The following CEP120 variants were observed in gnomAD, a reference collection of about 807,000 sequenced individuals.
CEP120 encodes the protein centrosomal protein of 120 kDa.
In CEP120, 113 loss-of-function variants were observed where a neutral mutation model predicts 126.5. The observed-to-expected ratio is 0.89, with a 90% CI of 0.77 to 1.04. CEP120 has a LOEUF of 1.04. Among genes scored for constraint, CEP120 ranks in the 50% least tolerant of loss-of-function variants. The probability of loss-of-function intolerance (pLI) is 0.00; values close to 1 mark genes in which losing one functional copy is unlikely to be tolerated. For synonymous variants in CEP120, 400 were observed against 394.3 expected (o/e 1.01, Z -0.17); for missense variants, 1,230 against 1,155.7 (o/e 1.06, Z -0.93).
rs759424675 is a variant in CEP120, at chr5:123,346,473, A to G, written c.*46T>C. ...TCACTTTTGAGGTTTTTACAAAGAA[A>G]TTAAAATTTAGACTTAGAGTCTCTA... On this transcript the variant is annotated 3_prime_UTR_variant, in exon 20 of 20. Transcript: ENST00000306467. The G allele has an allele frequency of 1.1e-5, 15 of 1,396,608 alleles. No individual in the cohort carries two copies. Among genetic ancestry groups the G allele is most frequent in the Middle Eastern group, 1.8e-4 (1 of 5,494 alleles). The allele number at this position is 1,396,608 out of a possible 1,614,324, so 86.5% of individuals were successfully genotyped here.
chr5:123,412,643 A>G, intron 3 of CEP120, 103 bp from the exon 4 acceptor site: 3 of 761,788 alleles, frequency 3.9e-6, no homozygotes, highest in Non-Finnish European at 5.5e-6. Context: ...GCTTTTCAGT[A>G]CTTTATAAAC....
intron 5 of CEP120, among the ~76,000 whole-genome samples, chr5:123,396,312 T>C (rs1271732873): frequency 1.3e-5 from 2 of 152,190 alleles, no homozygotes; most frequent in Non-Finnish European, 2.9e-5. Flanking sequence ...TTTGGGTGTA[T>C]ACCTAGGAGT....
chr5:123,405,037 C>T (rs1422832993), intron 4 of CEP120, among the ~76,000 whole-genome samples: 1 of 152,196 alleles, frequency 6.6e-6, no homozygotes. Context: ...TAGAAATCTT[C>T]AGTTAGCCCT....
At chr5:123,417,303 T>G (rs541822713) in intron 2 of CEP120, among the ~76,000 whole-genome samples, 2 of 152,336 alleles carry the variant, frequency 1.3e-5, no homozygotes, top group African/African-American at 4.8e-5. Context: ...TTCCTTTTTT[T>G]TAACTTTCCA....
chr5:123,347,297 C>T (rs1376700849), intron 19 of CEP120, among the ~76,000 whole-genome samples: 1 of 151,978 alleles, frequency 6.6e-6, no homozygotes, highest in Non-Finnish European at 1.5e-5. Context: ...CTTTAGGTTG[C>T]TCCTAAACCT....
intron 4 of CEP120, among the ~76,000 whole-genome samples, chr5:123,409,317 C>T (rs4836007): frequency 0.17 from 25,229 of 152,180 alleles, 2,503 homozygotes; most frequent in Middle Eastern, 0.22. Flanking sequence ...CTACAGCTAA[C>T]ATTATACTTA....
chr5:123,399,139 T>C lies in CEP120; in HGVS notation c.609A>G (p.Glu203=). ...CCAATCTCATGAAAAGTCTCACCTG[T>C]TCCAACTGGGTAGCAAATGCTATGG... ...SVTIAFATQL[E]QLIPCTMKLP... Residue 203 remains glutamate, a synonymous_variant, in exon 5 of 20, where the codon GAA becomes GAG. Transcript: ENST00000306467. 6.2e-7 allele frequency: 1 copy of C among 1,605,452 alleles called. No homozygotes were observed. Among genetic ancestry groups the C allele is most frequent in the Non-Finnish European group, 8.5e-7 (1 of 1,174,602 alleles).
intron 16 of CEP120, among the ~76,000 whole-genome samples, chr5:123,376,733 G>A (rs1048650419): frequency 6.6e-6 from 1 of 152,066 alleles, no homozygotes; most frequent in East Asian, 1.9e-4. Flanking sequence ...GGTCTAGAGG[G>A]CAAAGGTAAG....
intron 11 of CEP120, among the ~76,000 whole-genome samples, chr5:123,383,501 A>G (rs746423392): frequency 6.6e-6 from 1 of 152,100 alleles, no homozygotes; most frequent in Admixed American, 6.6e-5. Flanking sequence ...TTCTCACATC[A>G]TAACATTAAT....
chr5:123,385,784 T>G (rs1488970972), intron 10 of CEP120, among the ~76,000 whole-genome samples: 3 of 151,922 alleles, frequency 2.0e-5, no homozygotes, highest in Non-Finnish European at 4.4e-5. Flanking sequence ...TTGTATTTTT[T>G]GTAGAGACAG....
chr5:123,419,414 G>A (rs563647932), intron 1 of CEP120, among the ~76,000 whole-genome samples: 1 of 152,132 alleles, frequency 6.6e-6, no homozygotes, highest in South Asian at 2.1e-4. Context: ...GGGTGTGGTG[G>A]CATGCGCCTG....
chr5:123,389,445 G>A (rs1772242853), intron 8 of CEP120, among the ~76,000 whole-genome samples: 1 of 152,142 alleles, frequency 6.6e-6, no homozygotes, highest in Admixed American at 6.5e-5. Context: ...ATATTTTGAA[G>A]TTAGATAGAT....
chr5:123,422,634 G>T lies in CEP120; in HGVS notation c.49+316C>A. ...TATTGGGAACCGCTGATCAGAACGC[G>T]CTTCTCAGGACCACGTTCAGCTCAT... On this transcript the variant is annotated intron_variant, in intron 1 of 19. Transcript: ENST00000306467. 6 of 1,203,006 alleles carry T rather than the reference G, an allele frequency of 5.0e-6. No individual in the cohort carries two copies. In the South Asian group the frequency reaches 7.8e-5, roughly 16 times the overall value. 74.5% of individuals were successfully genotyped at this position (1,203,006 alleles called of 1,614,324 possible). A position where few individuals can be genotyped will look rare whatever the true frequency, so the allele number is the denominator to read the frequency against.
chr5:123,386,294 G>A (rs949059875), intron 10 of CEP120, among the ~76,000 whole-genome samples: 4 of 151,890 alleles, frequency 2.6e-5, no homozygotes, highest in Non-Finnish European at 4.4e-5. Flanking sequence ...CTAAATTCAG[G>A]TAAATAAGAT....
chr5:123,362,174 A>G (rs1239669326), intron 18 of CEP120, among the ~76,000 whole-genome samples: 1 of 151,702 alleles, frequency 6.6e-6, no homozygotes, highest in Non-Finnish European at 1.5e-5. Flanking sequence ...TCATAACCAT[A>G]TATTAGCTGC....
chr5:123,390,650 T>TA (rs1562054911), intron 7 of CEP120, among the ~76,000 whole-genome samples: 2 of 151,906 alleles, frequency 1.3e-5, no homozygotes, highest in East Asian at 1.9e-4. Context: ...ATAGATACAA[T>TA]AAAAAAAATA....
At chr5:123,372,170 T>C (rs1031193773) in intron 17 of CEP120, among the ~76,000 whole-genome samples, 5 of 152,072 alleles carry the variant, frequency 3.3e-5, no homozygotes, top group South Asian at 2.1e-4. Context: ...ATCTAGGACA[T>C]TGAATCTACA....
Position 123,423,005 on chromosome 5 carries a change from G to A in CEP120, c.-7C>T. 1.9e-6 allele frequency: 3 copies of A among 1,613,936 alleles called. No homozygotes were observed. Among genetic ancestry groups the A allele is most frequent in the South Asian group, 1.1e-5 (1 of 91,078 alleles). On this transcript the variant is annotated 5_prime_UTR_variant, in exon 1 of 20. Coordinates refer to ENST00000306467, the MANE Select transcript of CEP120 (RefSeq NM_001375405.1). Reference sequence around the variant, plus strand: ...GGTCGGATTTGGAGACCATGGTTGCGGTGAGCGGTCCGGGGGCGAAGGCGG... The same window carrying A: ...GGTCGGATTTGGAGACCATGGTTGCAGTGAGCGGTCCGGGGGCGAAGGCGG...
At chr5:123,364,363 T>C in intron 18 of CEP120, 133 bp downstream of exon 18, 1 of 405,042 alleles carries the variant, frequency 2.5e-6, no homozygotes, top group Non-Finnish European at 4.4e-6. Flanking sequence ...CATATTTTTA[T>C]AAAAGCCTCT....
Sources: gnomAD v4.1 joint callset for allele counts (sites outside exome capture counted in the v4.1 genomes callset) on GRCh38, gnomAD v4.1.1 for gene constraint, MANE v1.5 for transcripts, NCBI Gene and HGNC (gene_info 2026-07-23, HGNC 2026-07-21) for gene names.